The following KATNBL1 variants were observed in gnomAD, a reference collection of about 807,000 sequenced individuals.
KATNBL1 encodes the protein KATNB1-like protein 1.
A neutral mutation model predicts 44.7 loss-of-function variants in KATNBL1; 28 were observed. The ratio of observed to expected loss-of-function variants is 0.63; its 90% CI spans 0.46 to 0.86. KATNBL1 has a LOEUF of 0.86. Among genes scored for constraint, KATNBL1 ranks in the 40% least tolerant of loss-of-function variants. The probability of loss-of-function intolerance (pLI) is 0.00; values close to 1 mark genes in which losing one functional copy is unlikely to be tolerated. For synonymous variants in KATNBL1, 78 were observed against 114.9 expected (o/e 0.68, Z 2.06); for missense variants, 272 against 350.7 (o/e 0.78, Z 1.79).
chr15:34,207,241 C>G (rs1215190190), intron 1 of KATNBL1, among the ~76,000 whole-genome samples: 1 of 152,032 alleles, frequency 6.6e-6, no homozygotes, highest in Non-Finnish European at 1.5e-5. Context: ...TGGAGTCTCA[C>G]TCTGTCGCCC....
At chr15:34,179,564 A>C (rs1434061922) in intron 1 of KATNBL1, among the ~76,000 whole-genome samples, 1 of 151,998 alleles carries the variant, frequency 6.6e-6, no homozygotes, top group Non-Finnish European at 1.5e-5. Context: ...AAACTCCCGG[A>C]CTCAAGAGAT....
intron 1 of KATNBL1, among the ~76,000 whole-genome samples, chr15:34,172,055 C>A (rs1353585921): frequency 6.6e-6 from 1 of 151,888 alleles, no homozygotes; most frequent in Non-Finnish European, 1.5e-5. Flanking sequence ...ATGTTGTGCA[C>A]ATGTACCCTG....
rs148913855 is a variant in KATNBL1 at position 34,152,956 on chromosome 15, C to A, written c.272G>T (p.Gly91Val). The A allele has an allele frequency of 7.6e-5, 122 of 1,613,978 alleles. No homozygotes were observed. Among genetic ancestry groups the A allele is most frequent in the Non-Finnish European group, 9.7e-5 (115 of 1,179,974 alleles). Residue 91 changes from glycine to valine, a missense_variant, in exon 4 of 10, where the codon GGA becomes GTA. By Grantham distance (109) the Gly-to-Val change is moderately radical (BLOSUM62 -3). Around this residue, in one of 3 missense-constraint regions of KATNBL1, gnomAD observed 122 missense variants for 125.0 expected, o/e 0.98. Transcript: ENST00000256544. The stretch of plus-strand genomic sequence containing the variant: ...ATTTGCCATGTCACAGCCCCCACTT[C>A]CAGGGGACTGTTTTTTTCTGTAACA... The part of the protein sequence containing the change: ...NPCYRKKQSP[G>V]SGGCDMANKE...
chr15:34,182,982 G>T (rs920579721), intron 1 of KATNBL1, among the ~76,000 whole-genome samples: 2 of 149,482 alleles, frequency 1.3e-5, no homozygotes, highest in Non-Finnish European at 3.0e-5. Context: ...AATAAATTGG[G>T]GCACACAGCT....
At chr15:34,200,730 T>C (rs1017307777) in intron 1 of KATNBL1, among the ~76,000 whole-genome samples, 1 of 152,234 alleles carries the variant, frequency 6.6e-6, no homozygotes, top group African/African-American at 2.4e-5. Flanking sequence ...AACTCTCTTA[T>C]GACTGAGATA....
At chr15:34,165,806 A>G (rs1485744099) in intron 1 of KATNBL1, 1 of 152,134 alleles carries the variant, frequency 6.6e-6, no homozygotes, top group Admixed American at 6.5e-5. Context: ...AAAAATAATA[A>G]TTAGTAATAA....
intron 2 of KATNBL1, among the ~76,000 whole-genome samples, chr15:34,163,221 T>A (rs1056891179): frequency 3.3e-5 from 5 of 151,994 alleles, no homozygotes; most frequent in Non-Finnish European, 5.9e-5. Flanking sequence ...TTTTTGTATT[T>A]TTAGTAGACA....
intron 5 of KATNBL1, 21 bp from the exon 6 acceptor site, chr15:34,147,451 G>C: frequency 6.3e-7 from 1 of 1,598,742 alleles, no homozygotes; most frequent in Non-Finnish European, 8.6e-7. Context: ...AAAAAGAATA[G>C]CATTGCCTTA....
chr15:34,186,571 T>G (rs1228963749), intron 1 of KATNBL1, among the ~76,000 whole-genome samples: 2 of 152,148 alleles, frequency 1.3e-5, no homozygotes, highest in African/African-American at 2.4e-5. Flanking sequence ...TCTTCCAAAT[T>G]GGTGGGGTGG....
chr15:34,194,656 C>CCAAAGAAT (rs1889983793), intron 1 of KATNBL1, among the ~76,000 whole-genome samples: 1 of 151,992 alleles, frequency 6.6e-6, no homozygotes, highest in Admixed American at 6.6e-5. Flanking sequence ...CTCTGCATAA[C>CCAAAGAAT]CAAAGAATCA....
At chr15:34,167,725 CTA>C (rs1889025144) in intron 1 of KATNBL1, among the ~76,000 whole-genome samples, 1 of 152,156 alleles carries the variant, frequency 6.6e-6, no homozygotes, top group Non-Finnish European at 1.5e-5. Context: ...AAAGGGAAGA[CTA>C]ACAGCGCATT....
rs1469716776 is a variant in KATNBL1, at chr15:34,141,534, C to T, written c.*805G>A. 6.6e-6 allele frequency: 1 copy of T among 152,526 alleles called. No homozygotes were observed. The highest frequency in any genetic ancestry group is 1.5e-5 in the Non-Finnish European group (1 of 67,980). The allele number at this position is 152,526 out of a possible 1,614,324, so 9.4% of individuals were successfully genotyped here. On this transcript the variant is annotated 3_prime_UTR_variant, in exon 10 of 10. Transcript: ENST00000256544. ...GGACATTTCCAGTTAAACATTCATACAAAAACATATTCACCTTTTTCCTTA... is the reference window on the plus strand; with the variant it reads ...GGACATTTCCAGTTAAACATTCATATAAAAACATATTCACCTTTTTCCTTA...
intron 2 of KATNBL1, among the ~76,000 whole-genome samples, chr15:34,161,877 G>A (rs938808540): frequency 4.6e-5 from 7 of 152,170 alleles, no homozygotes; most frequent in Admixed American, 2.0e-4. Context: ...CATAAAGAAT[G>A]AGGAAGTTAA....
chr15:34,201,584 T>C (rs1475584614), intron 1 of KATNBL1, among the ~76,000 whole-genome samples: 3 of 152,230 alleles, frequency 2.0e-5, no homozygotes, highest in Non-Finnish European at 4.4e-5. Flanking sequence ...TGGGAAGACT[T>C]AGGACTTCTT....
At chr15:34,181,829 T>TA (rs1462017650) in intron 1 of KATNBL1, among the ~76,000 whole-genome samples, 1,803 of 86,894 alleles carry the variant, frequency 0.021, 548 homozygotes, top group African/African-American at 0.055. Flanking sequence ...TCCATATATA[T>TA]CCATATATAT....
intron 1 of KATNBL1, among the ~76,000 whole-genome samples, chr15:34,186,458 CT>C (rs1050774100): frequency 6.6e-6 from 1 of 152,230 alleles, no homozygotes; most frequent in Non-Finnish European, 1.5e-5. Context: ...CAGGCAGGAT[CT>C]GCCTTCCAGG....
chr15:34,143,020 A>G (rs1482681429), intron 9 of KATNBL1: 2 of 1,249,250 alleles, frequency 1.6e-6, no homozygotes, highest in South Asian at 2.5e-5. Flanking sequence ...CTCTTCTTTC[A>G]ATTTCTATAC....
intron 2 of KATNBL1, among the ~76,000 whole-genome samples, chr15:34,156,294 C>T (rs755130425): frequency 9.2e-5 from 14 of 152,198 alleles, no homozygotes; most frequent in African/African-American, 2.7e-4. Context: ...TCTTGAACTT[C>T]GGGATATAGC....
chr15:34,190,537 A>G (rs1490989044), intron 1 of KATNBL1, among the ~76,000 whole-genome samples: 3 of 152,216 alleles, frequency 2.0e-5, no homozygotes, highest in Non-Finnish European at 4.4e-5. Flanking sequence ...AAAATTCAGA[A>G]TCCAGAGCTT....
Sources: allele counts gnomAD v4.1 joint callset (sites outside exome capture counted in the v4.1 genomes callset), GRCh38; gene constraint gnomAD v4.1.1; regional missense constraint gnomAD v4.1.1; transcripts MANE v1.5; gene names NCBI Gene and HGNC (gene_info 2026-07-23, HGNC 2026-07-21).